NF2: variants seen among roughly 807,000 people sequenced by gnomAD.
NF2 encodes merlin.
In NF2, 8 loss-of-function variants were observed where a neutral mutation model predicts 83.7. The observed-to-expected ratio is 0.10, with a 90% CI of 0.06 to 0.17. The LOEUF (loss-of-function observed/expected upper bound fraction) is 0.17, where lower values mean the gene tolerates loss of function less well. Among genes scored for constraint, NF2 ranks in the 10% least tolerant of loss-of-function variants. NF2 has a pLI of 1.00. For missense variants in NF2, 533 were observed against 744.4 expected (o/e 0.72, Z 3.31); for synonymous variants, 266 against 269.6 (o/e 0.99, Z 0.13).
intron 9 of NF2, among the ~76,000 whole-genome samples, chr22:29,665,586 A>G (rs2066597553): frequency 6.6e-6 from 1 of 152,152 alleles, no homozygotes; most frequent in Non-Finnish European, 1.5e-5. Flanking sequence ...AGTATTTCAT[A>G]CATATAAAAG....
chr22:29,674,718 C>T, intron 12 of NF2, 118 bp from the exon 13 acceptor site: 2 of 807,380 alleles, frequency 2.5e-6, no homozygotes, highest in Non-Finnish European at 2.1e-6. Context: ...TCCTTTTTCA[C>T]CTCTTTGGGT....
At chr22:29,615,144 A>G (rs1453328519) in intron 1 of NF2, among the ~76,000 whole-genome samples, 1 of 152,180 alleles carries the variant, frequency 6.6e-6, no homozygotes, top group Non-Finnish European at 1.5e-5. Context: ...AGATTGTGCT[A>G]CTGCACTCCA....
At chr22:29,642,101 G>A (rs1422956180) in intron 3 of NF2, 101 bp from the exon 4 acceptor site, 9 of 940,144 alleles carry the variant, frequency 9.6e-6, no homozygotes, top group African/African-American at 3.2e-5. Flanking sequence ...AGGCTGCTCT[G>A]GCAGCCCTCA....
intron 1 of NF2, among the ~76,000 whole-genome samples, chr22:29,628,330 A>G (rs1485446480): frequency 6.6e-6 from 1 of 152,144 alleles, no homozygotes; most frequent in Non-Finnish European, 1.5e-5. Context: ...GACAGCAGGG[A>G]GACAAAGGGA....
chr22:29,637,016 A>G (rs2065668360), intron 2 of NF2, 140 bp downstream of exon 2: 1 of 1,275,066 alleles, frequency 7.8e-7, no homozygotes, highest in Non-Finnish European at 1.1e-6. Flanking sequence ...GTCATGCAGA[A>G]AGCAGGACGT....
chr22:29,655,702 C>T (rs2146974498), intron 6 of NF2, 26 bp downstream of exon 6: 2 of 1,315,998 alleles, frequency 1.5e-6, no homozygotes, highest in Non-Finnish European at 2.2e-6. Flanking sequence ...TGTTGGTTTA[C>T]ATTCCTTTAT....
chr22:29,688,165 G>T (rs1245413854), intron 15 of NF2, among the ~76,000 whole-genome samples: 1 of 152,228 alleles, frequency 6.6e-6, no homozygotes, highest in Non-Finnish European at 1.5e-5. Context: ...ACCTGGTCAA[G>T]CAGTTGTTCT....
At position 29,696,545 on chromosome 22, in the gene NF2, G is replaced by A. The variant is rs924924464; in HGVS notation, c.*1743G>A. The A allele has an allele frequency of 9.2e-6, 2 of 218,380 alleles. No homozygotes were observed. Among genetic ancestry groups the A allele is most frequent in the Non-Finnish European group, 1.8e-5 (2 of 108,684 alleles). The allele number at this position is 218,380 out of a possible 1,614,324, so 13.5% of individuals were successfully genotyped here. On this transcript the variant is annotated 3_prime_UTR_variant, in exon 16 of 16. Transcript: ENST00000338641. ...TTTGAGAAACTTAGCAGCTCACAGAGCACAGAGATCCTGCCTTCTTCCTAC... is the reference window on the plus strand; with the variant it reads ...TTTGAGAAACTTAGCAGCTCACAGAACACAGAGATCCTGCCTTCTTCCTAC...
intron 1 of NF2, among the ~76,000 whole-genome samples, chr22:29,616,503 G>C (rs1008146311): frequency 3.3e-5 from 5 of 152,218 alleles, no homozygotes; most frequent in African/African-American, 1.2e-4. Context: ...CCAGCACTTC[G>C]GGAGGCCGAG....
intron 1 of NF2, among the ~76,000 whole-genome samples, chr22:29,619,834 A>C (rs938599714): frequency 1.3e-5 from 2 of 152,044 alleles, no homozygotes; most frequent in Non-Finnish European, 2.9e-5. Context: ...GCTGCCCTCC[A>C]CTGGACCCCA....
intron 10 of NF2, among the ~76,000 whole-genome samples, chr22:29,670,253 C>CAGGCTAGCTGCTATG (rs1168461009): frequency 6.6e-6 from 1 of 152,140 alleles, no homozygotes; most frequent in African/African-American, 2.4e-5. Context: ...CTACTTCAGC[C>CAGGCTAGCTGCTATG]CCCCAAAGTG....
intron 10 of NF2, among the ~76,000 whole-genome samples, chr22:29,669,673 G>A (rs1213332611): frequency 1.3e-5 from 2 of 152,210 alleles, no homozygotes; most frequent in Non-Finnish European, 2.9e-5. Context: ...GCAGAGAATA[G>A]CAGGAACACT....
intron 14 of NF2, among the ~76,000 whole-genome samples, chr22:29,680,231 C>G (rs1007910960): frequency 6.6e-6 from 1 of 152,156 alleles, no homozygotes; most frequent in East Asian, 1.9e-4. Context: ...CCTGCCTCAG[C>G]CTCCTGAGTA....
At position 29,668,855 on chromosome 22, in the gene NF2, G is replaced by A. The variant is rs61332657; in HGVS notation, c.999+409G>A. Among the ~76,000 whole-genome samples, 18 of 152,298 alleles carry A rather than the reference G, an allele frequency of 1.2e-4. No individual in the cohort carries two copies. The East Asian group carries it at 2.7e-3, about 23-fold the overall frequency. On this transcript the variant is annotated intron_variant, in intron 10 of 15. Coordinates refer to ENST00000338641, the MANE Select transcript of NF2 (RefSeq NM_000268.4). ...TGCCAGGTGGCATTTCAGTGCTTGC[G>A]GCTGGAATGCTAATTTGACTCTGGC...
chr22:29,603,571 C>T, upstream of NF2: 1 of 388,834 alleles, frequency 2.6e-6, no homozygotes. Context: ...TTCCCGCGGG[C>T]GCGCGGAGTG....
chr22:29,650,100 G>T (rs2066102570), intron 4 of NF2, among the ~76,000 whole-genome samples: 2 of 152,024 alleles, frequency 1.3e-5, no homozygotes, highest in African/African-American at 4.8e-5. Context: ...GTGGGTACAG[G>T]ACTTCTTTTT....
intron 1 of NF2, among the ~76,000 whole-genome samples, chr22:29,626,530 T>C (rs554840524): frequency 6.6e-6 from 1 of 152,310 alleles, no homozygotes; most frequent in South Asian, 2.1e-4. Context: ...TTTATTATCA[T>C]TGATGACCAT....
At chr22:29,685,268 C>G (rs2067242537) in intron 15 of NF2, among the ~76,000 whole-genome samples, 1 of 151,108 alleles carries the variant, frequency 6.6e-6, no homozygotes, top group Non-Finnish European at 1.5e-5. Flanking sequence ...CCACCACACT[C>G]AACTAATTTT....
rs540633216 is a variant in NF2, at chr22:29,638,420, G to A, written c.241-670G>A. ...GGCTGCAGTACAATGACGCAGTCTC[G>A]GCTCACTGCAACCTCTACCTCCTGG... On this transcript the variant is annotated intron_variant, in intron 2 of 15. Coordinates refer to ENST00000338641, the MANE Select transcript of NF2 (RefSeq NM_000268.4). Among the ~76,000 whole-genome samples the A allele has an allele frequency of 1.6e-3, 237 of 150,790 alleles. 4 individuals are homozygous for A. The Middle Eastern group carries it at 0.024, about 15-fold the overall frequency.
Sources: gnomAD v4.1 joint callset for allele counts (sites outside exome capture counted in the v4.1 genomes callset) on GRCh38, gnomAD v4.1.1 for gene constraint, MANE v1.5 for transcripts, NCBI Gene and HGNC (gene_info 2026-07-23, HGNC 2026-07-21) for gene names.